MDGA2: variants seen among roughly 807,000 people sequenced by gnomAD.
MDGA2 encodes the protein MAM domain containing glycosylphosphatidylinositol anchor 2.
In MDGA2, 40 loss-of-function variants were observed where a neutral mutation model predicts 117.8. That is an observed-to-expected ratio of 0.34 (90% CI 0.26 to 0.44). MDGA2 has a LOEUF of 0.44. Among genes scored for constraint, MDGA2 ranks in the 20% least tolerant of loss-of-function variants. MDGA2 has a pLI of 1.00. For missense variants in MDGA2, 1,123 were observed against 1,250.6 expected, an observed-to-expected ratio of 0.90 and a Z score of 1.54; for synonymous variants, 452 against 439.0, an observed-to-expected ratio of 1.03 and a Z score of -0.37.
At position 47,601,393 on chromosome 14, in the gene MDGA2, A is replaced by AT. The variant is rs201431056; in HGVS notation, c.280+73123dup. Among the ~76,000 whole-genome samples, 11 of 152,110 alleles carry AT rather than the reference A, an allele frequency of 7.2e-5. No homozygotes were observed. The East Asian group carries it at 1.7e-3, about 24-fold the overall frequency. On this transcript the variant is annotated intron_variant, in intron 1 of 16. Coordinates refer to ENST00000399232, the MANE Select transcript of MDGA2 (RefSeq NM_001113498.3). ...CTCTACATCCTAGGTTTAGAAGCAA[A>AT]TTTTTTTAAAAAAAAATCTGTATTG... is the stretch of plus-strand genomic sequence containing the variant.
At chr14:47,127,812 A>T (rs2139132856) in intron 5 of MDGA2, among the ~76,000 whole-genome samples, 1 of 152,114 alleles carries the variant, frequency 6.6e-6, no homozygotes, top group South Asian at 2.1e-4. Flanking sequence ...TTTTTTTTTA[A>T]TAATCACAGA....
At chr14:47,217,856 T>C (rs1271149025) in intron 3 of MDGA2, among the ~76,000 whole-genome samples, 165 bp downstream of exon 3, 10 of 152,146 alleles carry the variant, frequency 6.6e-5, no homozygotes. Context: ...AAGTTTCTAG[T>C]GAAGATTCCT....
chr14:47,424,570 A>C (rs1437217831), intron 1 of MDGA2, among the ~76,000 whole-genome samples: 1 of 152,206 alleles, frequency 6.6e-6, no homozygotes, highest in Non-Finnish European at 1.5e-5. Flanking sequence ...TCCTTGGCAC[A>C]TACAATTATG....
rs1412546648 is a variant in MDGA2, at chr14:47,674,936, G to C, written c.-140C>G. The C allele has an allele frequency of 2.0e-6, 1 of 503,946 alleles. No individual in the cohort carries two copies. The highest frequency in any genetic ancestry group is 3.4e-6 in the Non-Finnish European group (1 of 290,440). The allele number at this position is 503,946 out of a possible 1,614,324, so 31.2% of individuals were successfully genotyped here. On this transcript the variant is annotated 5_prime_UTR_variant, in exon 1 of 17. Coordinates refer to ENST00000399232, the MANE Select transcript of MDGA2 (RefSeq NM_001113498.3). ...AGGAGCAGGGGGCGGTGATGGGAAG[G>C]GGAGCTGCGAGGCGAAGTGTTCTTC...
At chr14:46,905,967 T>C (rs1883476539) in intron 10 of MDGA2, among the ~76,000 whole-genome samples, 1 of 152,006 alleles carries the variant, frequency 6.6e-6, no homozygotes, top group African/African-American at 2.4e-5. Flanking sequence ...AATAAAAATA[T>C]TTTGTTATAT....
At chr14:47,443,123 A>C (rs891462504) in intron 1 of MDGA2, among the ~76,000 whole-genome samples, 1 of 152,174 alleles carries the variant, frequency 6.6e-6, no homozygotes, top group African/African-American at 2.4e-5. Flanking sequence ...TAAGGAAAGC[A>C]AAAAATTGTA....
At chr14:47,521,753 C>T (rs756522266) in intron 1 of MDGA2, among the ~76,000 whole-genome samples, 1 of 151,672 alleles carries the variant, frequency 6.6e-6, no homozygotes, top group South Asian at 2.1e-4. Context: ...CTCACCACAA[C>T]CTCTTTCTCC....
At chr14:47,292,086 G>A (rs377191231) in intron 2 of MDGA2, among the ~76,000 whole-genome samples, 10 of 152,302 alleles carry the variant, frequency 6.6e-5, no homozygotes, top group Middle Eastern at 3.4e-3. Flanking sequence ...CAGCAGCTGC[G>A]CTGATTTGGT....
At chr14:47,249,005 T>C (rs1490174524) in intron 2 of MDGA2, among the ~76,000 whole-genome samples, 2 of 139,292 alleles carry the variant, frequency 1.4e-5, no homozygotes, top group Non-Finnish European at 3.0e-5. Context: ...TCATTCTTTC[T>C]TTTTTGTTGT....
At position 47,061,494 on chromosome 14, in the gene MDGA2, G is replaced by A. The variant is rs760106363; in HGVS notation, c.1280C>T (p.Ser427Phe). ...NIQIGREVKI[S>F]CQVEAVPSEE... ...AGAAGGAACAGCTTCTACTTGGCAA[G>A]ATATTTTCACCTCACGGCCAATCTG... The change falls in exon 7 of 17, where the codon TCT becomes TTT. Residue 427 changes from serine (S) to phenylalanine (F), a missense_variant. Ser to Phe is a radical substitution (Grantham distance 155). Coordinates refer to ENST00000399232, the MANE Select transcript of MDGA2 (RefSeq NM_001113498.3). 2 of 1,613,364 alleles carry A rather than the reference G, an allele frequency of 1.2e-6. No individual in the cohort carries two copies. The highest frequency in any genetic ancestry group is 1.1e-5 in the South Asian group (1 of 91,064).
intron 1 of MDGA2, among the ~76,000 whole-genome samples, chr14:47,485,877 GA>G (rs1894050044): frequency 6.6e-6 from 1 of 152,220 alleles, no homozygotes. Flanking sequence ...GAAGATGTAT[GA>G]AAATCCCTGG....
intron 1 of MDGA2, among the ~76,000 whole-genome samples, chr14:47,532,062 T>G (rs978447675): frequency 5.9e-5 from 9 of 152,174 alleles, no homozygotes; most frequent in African/African-American, 2.2e-4. Flanking sequence ...GGGTGCTAAG[T>G]CTTTCACATA....
intron 7 of MDGA2, among the ~76,000 whole-genome samples, chr14:47,041,108 A>G (rs1332130482): frequency 6.6e-6 from 1 of 152,198 alleles, no homozygotes; most frequent in African/African-American, 2.4e-5. Flanking sequence ...TCCTACAAGT[A>G]GCATAATCTT....
intron 2 of MDGA2, among the ~76,000 whole-genome samples, chr14:47,256,858 G>C (rs1887637445): frequency 6.6e-6 from 1 of 150,784 alleles, no homozygotes; most frequent in East Asian, 1.9e-4. Flanking sequence ...GGAAGACAGA[G>C]AGGGAGAGAG....
intron 2 of MDGA2, among the ~76,000 whole-genome samples, chr14:47,267,044 G>A (rs1887988134): frequency 1.3e-5 from 2 of 152,064 alleles, no homozygotes; most frequent in East Asian, 3.9e-4. Flanking sequence ...ATAAACATTT[G>A]TTGAATGAAT....
chr14:47,531,559 A>G (rs972280457), intron 1 of MDGA2, among the ~76,000 whole-genome samples: 40 of 152,328 alleles, frequency 2.6e-4, no homozygotes, highest in Non-Finnish European at 4.7e-4. Context: ...ACCTTGGATA[A>G]TAATAACATC....
At chr14:46,885,429 C>A (rs1882636068) in intron 10 of MDGA2, among the ~76,000 whole-genome samples, 1 of 152,018 alleles carries the variant, frequency 6.6e-6, no homozygotes, top group Non-Finnish European at 1.5e-5. Context: ...ACAAGTAATT[C>A]ATAGATGAGG....
chr14:47,041,979 A>C (rs1484234835), intron 7 of MDGA2, among the ~76,000 whole-genome samples: 6 of 152,050 alleles, frequency 3.9e-5, no homozygotes, highest in Non-Finnish European at 8.8e-5. Context: ...GAATCATAAG[A>C]AGCTCAGTAA....
At chr14:47,320,228 A>T (rs1279312414) in intron 1 of MDGA2, among the ~76,000 whole-genome samples, 4 of 152,120 alleles carry the variant, frequency 2.6e-5, no homozygotes. Context: ...ACTATTAAAC[A>T]ATTTGTGGCT....
Sources: allele counts gnomAD v4.1 joint callset (sites outside exome capture counted in the v4.1 genomes callset), GRCh38; gene constraint gnomAD v4.1.1; transcripts MANE v1.5; gene names NCBI Gene and HGNC (gene_info 2026-07-23, HGNC 2026-07-21).